AGBL5: variants seen among roughly 807,000 people sequenced by gnomAD.
The protein encoded by AGBL5 is AGBL carboxypeptidase 5.
Under a neutral mutation model 88.0 loss-of-function variants are expected in AGBL5, and 51 were observed. The ratio of observed to expected loss-of-function variants is 0.58; its 90% CI spans 0.46 to 0.73. The LOEUF is 0.73. Ranked by LOEUF, AGBL5 falls within the 30% of genes least tolerant of loss-of-function variation. The pLI, the probability that AGBL5 is intolerant of heterozygous loss-of-function variation, is 0.00. For missense variants in AGBL5, 1,031 were observed against 1,162.2 expected, an observed-to-expected ratio of 0.89 and a Z score of 1.64; for synonymous variants, 446 against 438.8, an observed-to-expected ratio of 1.02 and a Z score of -0.21.
intron 11 of AGBL5, chr2:27,061,541 G>A (rs2148290682): frequency 6.6e-6 from 1 of 151,830 alleles, no homozygotes; most frequent in East Asian, 1.9e-4. Context: ...GCCAATTTTT[G>A]TATTTTTAGT....
chr2:27,050,759 A>G (rs977283164), upstream of AGBL5, among the ~76,000 whole-genome samples: 23 of 152,116 alleles, frequency 1.5e-4, no homozygotes. Context: ...GAGGGCTATC[A>G]GCAGCATCTT....
At position 27,056,631 on chromosome 2, in the gene AGBL5, C is replaced by T. The variant is rs1308331291; in HGVS notation, c.1374C>T (p.Asn458=). 3.1e-6 allele frequency: 5 copies of T among 1,598,902 alleles called. No individual in the cohort carries two copies. The highest frequency in any genetic ancestry group is 8.6e-7 in the Non-Finnish European group (1 of 1,169,532). ...TTTTCTTCCCCAAACAGGTGGAAAACATGCTATATCCAAAGCTCATCTCCT... is the reference window on the plus strand; with the variant it reads ...TTTTCTTCCCCAAACAGGTGGAAAATATGCTATATCCAAAGCTCATCTCCT... ...SFSDESTQVE[N]MLYPKLISLN... The change falls in exon 8 of 15, where the codon AAC becomes AAT. Residue 458 remains asparagine (N), a synonymous_variant. Transcript: ENST00000360131.
chr2:27,057,218 C>T, intron 8 of AGBL5, 85 bp from the exon 9 acceptor site: 1 of 1,443,762 alleles, frequency 6.9e-7, no homozygotes, highest in South Asian at 1.4e-5. Flanking sequence ...AAGTGATTGC[C>T]TCCTTTGACC....
At position 27,054,777 on chromosome 2, in the gene AGBL5, C is replaced by T; in HGVS notation, c.699C>T (p.Thr233=). Residue 233 remains threonine (T), a synonymous_variant, in exon 5 of 15, where the codon ACC becomes ACT. Coordinates refer to ENST00000360131, the MANE Select transcript of AGBL5 (RefSeq NM_021831.6). ...AGCAGCTATTTCCTGATACCAGCAC[C>T]CCTCGACCATTCCGTTTCGCAGGCA... is the stretch of plus-strand genomic sequence containing the variant. ...RLEQLFPDTS[T]PRPFRFAGKR... is the part of the protein sequence containing the mutation. 1 of 1,613,190 alleles carries T rather than the reference C, an allele frequency of 6.2e-7. No homozygotes were observed. Among genetic ancestry groups the T allele is most frequent in the Non-Finnish European group, 8.5e-7 (1 of 1,179,904 alleles).
intron 11 of AGBL5, chr2:27,061,087 G>C (rs1210705247): frequency 6.6e-6 from 1 of 152,116 alleles, no homozygotes; most frequent in African/African-American, 2.4e-5. Context: ...TTTTGAGACA[G>C]AGTTTCACTC....
chr2:27,069,749 G>C (rs760321933), intron 14 of AGBL5, 43 bp downstream of exon 14: 1 of 1,575,032 alleles, frequency 6.3e-7, no homozygotes, highest in South Asian at 1.1e-5. Context: ...CCTCACTTCT[G>C]TCCCCTCATT....
rs1668264466 is a variant in AGBL5, at chr2:27,053,231, C to T, written c.215+58C>T. 2.6e-6 allele frequency: 4 copies of T among 1,536,764 alleles called. No individual in the cohort carries two copies. In the East Asian group the frequency reaches 6.8e-5, roughly 26 times the overall value. On this transcript the variant is annotated intron_variant, in intron 2 of 14. Coordinates refer to ENST00000360131, the MANE Select transcript of AGBL5 (RefSeq NM_021831.6). The surrounding 1 kb of genome is among the most constrained non-coding windows in gnomAD (Gnocchi z 4.9). ...CTCCAAACCCATGCTTCAGTTAGCC[C>T]TCTGACTTATCTGTTCATACCCAGC... is the stretch of plus-strand genomic sequence containing the variant.
Position 27,055,974 on chromosome 2 carries a change from A to C in AGBL5, c.1201A>C (p.Ser401Arg). The C allele has an allele frequency of 1.2e-6, 2 of 1,614,258 alleles. No individual in the cohort carries two copies. The highest frequency in any genetic ancestry group is 1.7e-6 in the Non-Finnish European group (2 of 1,180,050). The stretch of plus-strand genomic sequence containing the variant: ...AGAGCCAGCAGAACAGAAGCTCAAC[A>C]GTGTGTGGATTATGCCACAACAGTC... ...QTEPAEQKLNSVWIMPQQSAG... is the reference protein window; with the variant it reads ...QTEPAEQKLNRVWIMPQQSAG... Residue 401 changes from serine to arginine, a missense_variant, in exon 7 of 15, where the codon AGT becomes CGT. Ser to Arg is a moderately radical substitution (Grantham distance 110). This residue lies in a region of AGBL5 where 540 missense variants were observed against 678.2 expected (regional missense o/e 0.80). Coordinates refer to ENST00000360131, the MANE Select transcript of AGBL5 (RefSeq NM_021831.6).
At chr2:27,058,724 C>T (rs1234149538) in intron 10 of AGBL5, 122 bp downstream of exon 10, 2 of 1,068,982 alleles carry the variant, frequency 1.9e-6, no homozygotes, top group African/African-American at 1.6e-5. Context: ...CAAATATCTT[C>T]AGGGTAAATT....
intron 14 of AGBL5, 73 bp from the exon 15 acceptor site, chr2:27,070,019 C>A: frequency 6.5e-7 from 1 of 1,547,874 alleles, no homozygotes; most frequent in Non-Finnish European, 8.7e-7. Context: ...TTTCACTTCC[C>A]AGCCCCTGGT....
chr2:27,060,425 A>G (rs970529789), intron 11 of AGBL5, among the ~76,000 whole-genome samples: 1 of 152,286 alleles, frequency 6.6e-6, no homozygotes, highest in Non-Finnish European at 1.5e-5. Flanking sequence ...GCGGAGGGGG[A>G]GAGATTGTTA....
intron 12 of AGBL5, 161 bp downstream of exon 12, chr2:27,067,807 G>A: frequency 1.2e-6 from 1 of 800,518 alleles, no homozygotes. Flanking sequence ...ATTTATTAAT[G>A]TGTCTGTGTA....
At chr2:27,051,895 C>G (rs1668168232) in intron 1 of AGBL5, 102 bp downstream of exon 1, 1 of 146,726 alleles carries the variant, frequency 6.8e-6, no homozygotes, top group African/African-American at 2.5e-5. Flanking sequence ...CCCTCGAAGG[C>G]CACCCCGCAC....
upstream of AGBL5, chr2:27,051,611 G>A (rs928392357): frequency 2.0e-5 from 3 of 152,258 alleles, no homozygotes; most frequent in African/African-American, 7.2e-5. Flanking sequence ...GAGCTTTACT[G>A]GGCGGGTCGC....
At position 27,067,422 on chromosome 2, in the gene AGBL5, C is replaced by A. The variant is rs530703884; in HGVS notation, c.2090-72C>A. 13 of 1,494,084 alleles carry A rather than the reference C, an allele frequency of 8.7e-6. No individual in the cohort carries two copies. The African/African-American group carries it at 1.7e-4, about 19-fold the overall frequency. The allele number at this position is 1,494,084 out of a possible 1,614,324, so 92.6% of individuals were successfully genotyped here. On this transcript the variant is annotated intron_variant, in intron 11 of 14. Transcript: ENST00000360131. ...GGCATCTTTTGACCACGGAAGCCAG[C>A]AGGTCAGTGAAGGCTGCCTCATAGT... is the stretch of plus-strand genomic sequence containing the variant.
intron 11 of AGBL5, among the ~76,000 whole-genome samples, chr2:27,066,839 C>A (rs1468456232): frequency 6.6e-6 from 1 of 152,064 alleles, no homozygotes; most frequent in Non-Finnish European, 1.5e-5. Flanking sequence ...AATCCCAGCA[C>A]TGTGGGAAGC....
At chr2:27,056,494 C>A (rs1668437899) in intron 7 of AGBL5, 129 bp from the exon 8 acceptor site, 1 of 837,542 alleles carries the variant, frequency 1.2e-6, no homozygotes, top group Non-Finnish European at 1.8e-6. Context: ...TCAGGCAGCA[C>A]TGATTACTGT....
At position 27,053,668 on chromosome 2, in the gene AGBL5, G is replaced by A. The variant is rs1020435249; in HGVS notation, c.387+95G>A. 6.7e-7 allele frequency: 1 copy of A among 1,482,656 alleles called. No individual in the cohort carries two copies. The highest frequency in any genetic ancestry group is 9.0e-7 in the Non-Finnish European group (1 of 1,110,810). 91.8% of individuals were successfully genotyped at this position (1,482,656 alleles called of 1,614,324 possible). On this transcript the variant is annotated intron_variant, in intron 3 of 14. Coordinates refer to ENST00000360131, the MANE Select transcript of AGBL5 (RefSeq NM_021831.6). The surrounding 1 kb of genome is among the most constrained non-coding windows in gnomAD (Gnocchi z 4.9). Reference sequence around the variant, plus strand: ...TTTCCTTGATACAAGTATGAAGCAGGTGGGACAACAGGTTTAAGTATCAGC... The same window carrying A: ...TTTCCTTGATACAAGTATGAAGCAGATGGGACAACAGGTTTAAGTATCAGC...
chr2:27,051,119 T>C (rs1668091659), upstream of AGBL5: 1 of 152,254 alleles, frequency 6.6e-6, no homozygotes, highest in Admixed American at 6.5e-5. Flanking sequence ...TGTATTGTAC[T>C]CTGCTAAATA....
Sources: gnomAD v4.1 joint callset for allele counts (sites outside exome capture counted in the v4.1 genomes callset) on GRCh38, gnomAD v4.1.1 for gene constraint, gnomAD v4.1.1 regional missense constraint, Gnocchi (gnomAD v3.1) non-coding constraint, MANE v1.5 for transcripts, NCBI Gene and HGNC (gene_info 2026-07-23, HGNC 2026-07-21) for gene names.